ATP5MJ: variants seen among roughly 807,000 people sequenced by gnomAD.
ATP5MJ encodes the protein ATP synthase membrane subunit j.
In ATP5MJ, 4 loss-of-function variants were observed where a neutral mutation model predicts 8.3. That is an observed-to-expected ratio of 0.48 (90% CI 0.24 to 1.11). The LOEUF (loss-of-function observed/expected upper bound fraction) is 1.11. Among genes scored for constraint, ATP5MJ ranks in the 50% least tolerant of loss-of-function variants. The pLI is 0.18. For missense variants in ATP5MJ, 66 were observed against 71.8 expected (o/e 0.92, Z 0.29); for synonymous variants, 23 against 21.3 (o/e 1.08, Z -0.23).
chr14:103,912,650 C>T lies in ATP5MJ; in HGVS notation c.*16G>A, dbSNP rs757413442. 17 of 1,613,482 alleles carry T rather than the reference C, an allele frequency of 1.1e-5. No homozygotes were observed. The highest frequency in any genetic ancestry group is 1.4e-5 in the Non-Finnish European group (17 of 1,179,648). On this transcript the variant is annotated 3_prime_UTR_variant, in exon 4 of 4. Transcript: ENST00000286953. ...AGACTGACGTTTTCTTTCACATGTA[C>T]TCCAAGTAAATCTGGTTAGTGATGA...
intron 3 of ATP5MJ, chr14:103,912,901 C>T: frequency 1.7e-6 from 1 of 578,220 alleles, no homozygotes; most frequent in Non-Finnish European, 3.1e-6. Context: ...AGGCAGTGGT[C>T]ACCCACAGCG....
At chr14:103,920,588 C>T (rs2087668742) in intron 1 of ATP5MJ, among the ~76,000 whole-genome samples, 1 of 151,220 alleles carries the variant, frequency 6.6e-6, no homozygotes, top group Non-Finnish European at 1.5e-5. Context: ...TCTCCTGCCT[C>T]AGCCTCCCGA....
rs184190518 is a variant in ATP5MJ, at chr14:103,918,777, C to T, written c.-1+2693G>A. ...GTAGCTCACGCCTGTAATTCCAGCA[C>T]TTTGGGGGTCCAAGGCAGGGAGATC... On this transcript the variant is annotated intron_variant, in intron 1 of 3. Transcript: ENST00000286953. Among the ~76,000 whole-genome samples the T allele has an allele frequency of 1.2e-4, 19 of 152,096 alleles. No individual in the cohort carries two copies. In the East Asian group the frequency reaches 3.1e-3, roughly 25 times the overall value.
At chr14:103,913,792 C>T (rs1476174443) in intron 3 of ATP5MJ, 169 bp downstream of exon 3, 1 of 730,880 alleles carries the variant, frequency 1.4e-6, no homozygotes, top group Non-Finnish European at 2.3e-6. Flanking sequence ...ATTCAGAATT[C>T]TCTTTCCCAG....
chr14:103,912,656 G>A lies in ATP5MJ; in HGVS notation c.*10C>T. On this transcript the variant is annotated 3_prime_UTR_variant, in exon 4 of 4. Transcript: ENST00000286953. Reference sequence around the variant, plus strand: ...ACGTTTTCTTTCACATGTACTCCAAGTAAATCTGGTTAGTGATGACCAGGA... The same window carrying A: ...ACGTTTTCTTTCACATGTACTCCAAATAAATCTGGTTAGTGATGACCAGGA... 1 of 1,613,792 alleles carries A rather than the reference G, an allele frequency of 6.2e-7. No homozygotes were observed. The highest frequency in any genetic ancestry group is 1.1e-5 in the South Asian group (1 of 91,060).
At chr14:103,912,930 A>G in intron 3 of ATP5MJ, 2 of 534,404 alleles carry the variant, frequency 3.7e-6, no homozygotes, top group Non-Finnish European at 6.7e-6. Context: ...GAGGCAGGGA[A>G]ACACCTCCTC....
chr14:103,919,383 T>TA (rs34078178), intron 1 of ATP5MJ, among the ~76,000 whole-genome samples: 69,946 of 129,866 alleles, frequency 0.54, 20,238 homozygotes, highest in South Asian at 0.71. Flanking sequence ...CCCTTTATCT[T>TA]AAAAAAAAAA....
chr14:103,921,175 G>C, intron 1 of ATP5MJ: 2 of 732,582 alleles, frequency 2.7e-6, no homozygotes, highest in Admixed American at 4.7e-5. Flanking sequence ...CTCTGGGTTA[G>C]GCAGCTGAAC....
intron 2 of ATP5MJ, 197 bp downstream of exon 2, chr14:103,914,868 GA>G (rs1163339872): frequency 7.9e-4 from 261 of 331,558 alleles, no homozygotes; most frequent in East Asian, 1.3e-3. Flanking sequence ...GAAAAGAAAA[GA>G]AAAAAAAAAT....
At chr14:103,921,267 C>G (rs969928194) in intron 1 of ATP5MJ, 3 of 494,276 alleles carry the variant, frequency 6.1e-6, no homozygotes, top group Non-Finnish European at 1.1e-5. Context: ...AGGAGGGAAA[C>G]GCGGCGCAGG....
intron 3 of ATP5MJ, chr14:103,913,665 GCT>G: frequency 1.9e-6 from 1 of 526,914 alleles, no homozygotes; most frequent in Non-Finnish European, 3.3e-6. Flanking sequence ...AGGACAGCAT[GCT>G]TGCACAGCTC....
chr14:103,920,468 CTTT>C (rs57538744), intron 1 of ATP5MJ, among the ~76,000 whole-genome samples: 2,606 of 106,508 alleles, frequency 0.024, 51 homozygotes, highest in East Asian at 0.053. Context: ...ACAGCCCCTA[CTTT>C]TTTTTTTTTT....
In ATP5MJ at chr14:103,921,024, T is replaced by C. The variant is rs1037087465; in HGVS notation, c.-1+446A>G. 3 of 1,551,566 alleles carry C rather than the reference T, an allele frequency of 1.9e-6. No individual in the cohort carries two copies. The African/African-American group carries it at 4.1e-5, about 21-fold the overall frequency. ...GTATGATCTCTTTTCAGCTTCCCTG[T>C]TGCCTCACCCAAGTTGTCATGTACA... On this transcript the variant is annotated intron_variant, in intron 1 of 3. Transcript: ENST00000286953.
intron 3 of ATP5MJ, chr14:103,913,744 G>T: frequency 1.7e-6 from 1 of 600,800 alleles, no homozygotes; most frequent in Non-Finnish European, 2.9e-6. Context: ...ATTACTCCTG[G>T]AAGTTTTACT....
chr14:103,920,915 C>T, intron 1 of ATP5MJ: 1 of 1,525,348 alleles, frequency 6.6e-7, no homozygotes, highest in Non-Finnish European at 8.9e-7. Context: ...AGTTTTGGCA[C>T]ATTACATTAA....
chr14:103,914,753 C>T, intron 2 of ATP5MJ: 1 of 528,326 alleles, frequency 1.9e-6, no homozygotes, highest in Non-Finnish European at 3.3e-6. Flanking sequence ...CCTGAAATCA[C>T]CTGAGCCTAG....
At chr14:103,920,980 T>C (rs932684781) in intron 1 of ATP5MJ, 4 of 1,551,612 alleles carry the variant, frequency 2.6e-6, no homozygotes, top group African/African-American at 2.7e-5. Flanking sequence ...GCGAGTTCCA[T>C]ACAATTTCAT....
At chr14:103,915,528 G>A (rs1252343004) in intron 1 of ATP5MJ, among the ~76,000 whole-genome samples, 1 of 152,118 alleles carries the variant, frequency 6.6e-6, no homozygotes, top group African/African-American at 2.4e-5. Flanking sequence ...TGTATTTTTA[G>A]TAGAGAGAGG....
chr14:103,914,879 T>G, intron 2 of ATP5MJ, 187 bp downstream of exon 2: 1 of 401,890 alleles, frequency 2.5e-6, no homozygotes, highest in Non-Finnish European at 4.0e-6. Flanking sequence ...AAAAAAAAAA[T>G]TCCCCACTGT....
Sources: allele counts gnomAD v4.1 joint callset (sites outside exome capture counted in the v4.1 genomes callset), GRCh38; gene constraint gnomAD v4.1.1; transcripts MANE v1.5; gene names NCBI Gene and HGNC (gene_info 2026-07-23, HGNC 2026-07-21).